The following KCNIP1 variants were observed in gnomAD, a reference collection of about 807,000 sequenced individuals.
The protein encoded by KCNIP1 is potassium voltage-gated channel interacting protein 1.
In KCNIP1, 18 loss-of-function variants were observed where a neutral mutation model predicts 33.0. That is an observed-to-expected ratio of 0.55 (90% CI 0.38 to 0.81). KCNIP1 has a LOEUF of 0.81. KCNIP1 is among the 30% of genes least tolerant of loss of function. The pLI, the probability that KCNIP1 is intolerant of heterozygous loss-of-function variation, is 0.00. For synonymous variants in KCNIP1, 93 were observed against 98.3 expected, an observed-to-expected ratio of 0.95 and a Z score of 0.32; for missense variants, 238 against 271.6, an observed-to-expected ratio of 0.88 and a Z score of 0.87.
At chr5:170,512,813 G>A (rs912776490) in intron 1 of KCNIP1, among the ~76,000 whole-genome samples, 14 of 152,184 alleles carry the variant, frequency 9.2e-5, no homozygotes, top group South Asian at 2.1e-4. Context: ...ACTTTGGGAG[G>A]CCGAGGCTGG....
intron 1 of KCNIP1, among the ~76,000 whole-genome samples, chr5:170,658,605 C>T (rs560316791): frequency 1.3e-5 from 2 of 152,276 alleles, no homozygotes; most frequent in Non-Finnish European, 2.9e-5. Flanking sequence ...ACACAGATCT[C>T]ATAGTGTGTA....
At chr5:170,631,857 C>G (rs1464852960) in intron 1 of KCNIP1, among the ~76,000 whole-genome samples, 1 of 152,186 alleles carries the variant, frequency 6.6e-6, no homozygotes, top group African/African-American at 2.4e-5. Context: ...GACAACAGCC[C>G]CAGATGGTAT....
intron 1 of KCNIP1, among the ~76,000 whole-genome samples, chr5:170,575,866 C>A (rs1180637446): frequency 1.3e-5 from 2 of 152,126 alleles, no homozygotes; most frequent in African/African-American, 4.8e-5. Context: ...AGGTGGAAAA[C>A]TTTTTTTTCG....
In KCNIP1 at chr5:170,721,070, A is replaced by G. The variant is rs984045631; in HGVS notation, c.256+680A>G. ...CTCCATGTGTCACATGCCACTTTGC[A>G]TCCTGTCACCAAGAGCTGTCTCCTG... On this transcript the variant is annotated intron_variant, in intron 3 of 7. Coordinates refer to ENST00000328939, the MANE Select transcript of KCNIP1 (RefSeq NM_014592.4). Among the ~76,000 whole-genome samples the G allele has an allele frequency of 5.3e-5, 8 of 152,210 alleles. No individual in the cohort carries two copies. In the East Asian group the frequency reaches 1.3e-3, roughly 26 times the overall value.
At chr5:170,409,257 C>T (rs1370604362) in intron 1 of KCNIP1, among the ~76,000 whole-genome samples, 1 of 152,178 alleles carries the variant, frequency 6.6e-6, no homozygotes, top group Non-Finnish European at 1.5e-5. Flanking sequence ...CACCACTGTC[C>T]TCCTTGGCTG....
At chr5:170,523,550 G>A (rs1228107497) in intron 1 of KCNIP1, among the ~76,000 whole-genome samples, 2 of 152,212 alleles carry the variant, frequency 1.3e-5, no homozygotes, top group Non-Finnish European at 2.9e-5. Flanking sequence ...CATGGCAAAC[G>A]TAAAGCTAAG....
chr5:170,711,802 A>G (rs1433660960), intron 1 of KCNIP1, among the ~76,000 whole-genome samples: 1 of 152,250 alleles, frequency 6.6e-6, no homozygotes, highest in East Asian at 1.9e-4. Flanking sequence ...CAGCAAAGTA[A>G]GTGTCTCACG....
chr5:170,659,970 T>C (rs1761412256), intron 1 of KCNIP1, among the ~76,000 whole-genome samples: 1 of 152,200 alleles, frequency 6.6e-6, no homozygotes, highest in Non-Finnish European at 1.5e-5. Flanking sequence ...TTCTGGCCTA[T>C]TTCCTTAGGC....
chr5:170,504,204 G>T lies in KCNIP1; in HGVS notation c.-369G>T. On this transcript the variant is annotated 5_prime_UTR_variant, in exon 1 of 8. Coordinates refer to ENST00000328939, the MANE Select transcript of KCNIP1 (RefSeq NM_014592.4). This position sits in a 1 kb window ranked among gnomAD's most constrained non-coding sequence, Gnocchi z 6.0. ...GCGGGCGGACGGCGGCTCCCGCACCGCACGCGGCGCTGGCTCGGCAGCCTC... is the reference window on the plus strand; with the variant it reads ...GCGGGCGGACGGCGGCTCCCGCACCTCACGCGGCGCTGGCTCGGCAGCCTC... 9.6e-7 allele frequency: 1 copy of T among 1,038,132 alleles called. No homozygotes were observed. The highest frequency in any genetic ancestry group is 1.2e-6 in the Non-Finnish European group (1 of 865,186). The allele number at this position is 1,038,132 out of a possible 1,614,324, so 64.3% of individuals were successfully genotyped here.
chr5:170,605,589 C>T (rs1040989358), intron 1 of KCNIP1, among the ~76,000 whole-genome samples: 1 of 152,134 alleles, frequency 6.6e-6, no homozygotes, highest in African/African-American at 2.4e-5. Context: ...TCCCCATTCC[C>T]ACCTCCCCCA....
intron 1 of KCNIP1, among the ~76,000 whole-genome samples, chr5:170,683,894 A>ATG (rs1168722972): frequency 0.032 from 2,894 of 91,532 alleles, 37 homozygotes; most frequent in South Asian, 0.044. Flanking sequence ...CAGCTAGTGT[A>ATG]TGTGTGTGTG....
intron 1 of KCNIP1, chr5:170,378,987 C>G: frequency 1.2e-6 from 2 of 1,611,796 alleles, no homozygotes; most frequent in Non-Finnish European, 8.5e-7. Flanking sequence ...TGGGGAGAAA[C>G]AAGAGCAGCT....
Position 170,504,703 on chromosome 5 carries a change from C to A in KCNIP1, c.61+70C>A. 7.8e-7 allele frequency: 1 copy of A among 1,277,000 alleles called. No homozygotes were observed. Among genetic ancestry groups the A allele is most frequent in the Non-Finnish European group, 1.1e-6 (1 of 874,558 alleles). 79.1% of individuals were successfully genotyped at this position (1,277,000 alleles called of 1,614,324 possible). Reference sequence around the variant, plus strand: ...TGCTAGGCGCCGAGGTGGGCTGTGCCACCTGCCTCCCTTAGTCCGGACTCT... The same window carrying A: ...TGCTAGGCGCCGAGGTGGGCTGTGCAACCTGCCTCCCTTAGTCCGGACTCT... On this transcript the variant is annotated intron_variant, in intron 1 of 7. Coordinates refer to ENST00000328939, the MANE Select transcript of KCNIP1 (RefSeq NM_014592.4). The surrounding 1 kb of genome is among the most constrained non-coding windows in gnomAD (Gnocchi z 6.0).
Position 170,732,881 on chromosome 5 carries a change from C to T in KCNIP1, c.517C>T (p.Gln173Ter). The T allele has an allele frequency of 6.2e-7, 1 of 1,612,556 alleles. No individual in the cohort carries two copies. Residue 173 changes from glutamine to a stop codon, truncating the protein, a stop_gained, in exon 6 of 8, where the codon CAG becomes TAG. Transcript: ENST00000328939. LOFTEE classifies it high-confidence loss of function. The stretch of plus-strand genomic sequence containing the variant: ...TGTGCTCAAAGAGGACACTCCAAGG[C>T]AGCATGTGGACGTCTTCTTCCAGGT... Reference protein sequence around the residue: ...YPVLKEDTPRQHVDVFFQKMD... With the variant: ...YPVLKEDTPR
chr5:170,503,393 C>CAAAAAAAAA (rs10628243), upstream of KCNIP1, among the ~76,000 whole-genome samples: 5 of 112,500 alleles, frequency 4.4e-5, no homozygotes, highest in Admixed American at 9.1e-5. Flanking sequence ...GACTCCGTCT[C>CAAAAAAAAA]AAAAAAAAAA....
At chr5:170,638,683 G>A (rs943441726) in intron 1 of KCNIP1, among the ~76,000 whole-genome samples, 2 of 151,892 alleles carry the variant, frequency 1.3e-5, no homozygotes, top group African/African-American at 4.8e-5. Flanking sequence ...AGCGTCCAAG[G>A]CAACCCTGTG....
intron 1 of KCNIP1, among the ~76,000 whole-genome samples, chr5:170,366,684 C>A (rs1207700570): frequency 6.6e-6 from 1 of 152,204 alleles, no homozygotes; most frequent in Non-Finnish European, 1.5e-5. Context: ...GAGGCCAGAG[C>A]AAGGAACACC....
At chr5:170,563,084 G>A (rs1757090474) in intron 1 of KCNIP1, among the ~76,000 whole-genome samples, 1 of 152,164 alleles carries the variant, frequency 6.6e-6, no homozygotes, top group Admixed American at 6.5e-5. Flanking sequence ...CACTGCAGAA[G>A]ACCTGCTAGG....
At chr5:170,730,097 A>T (rs1172942423) in intron 5 of KCNIP1, among the ~76,000 whole-genome samples, 1 of 152,140 alleles carries the variant, frequency 6.6e-6, no homozygotes, top group Non-Finnish European at 1.5e-5. Flanking sequence ...AATATATTAC[A>T]TTTTAAATTG....
Sources: allele counts gnomAD v4.1 joint callset (sites outside exome capture counted in the v4.1 genomes callset), GRCh38; gene constraint gnomAD v4.1.1; non-coding constraint Gnocchi (gnomAD v3.1); transcripts MANE v1.5; gene names NCBI Gene and HGNC (gene_info 2026-07-23, HGNC 2026-07-21).